The following TEX36 variants were observed in gnomAD, a reference collection of about 807,000 sequenced individuals.
TEX36 encodes the protein testis-expressed protein 36.
In TEX36, 12 loss-of-function variants were observed where a neutral mutation model predicts 13.6. That is an observed-to-expected ratio of 0.88 (90% CI 0.56 to 1.43). The LOEUF (loss-of-function observed/expected upper bound fraction) is 1.43, where lower values mean the gene tolerates loss of function less well. Ranked by LOEUF, TEX36 falls within the 40% of genes most tolerant of loss-of-function variation. TEX36 has a pLI of 0.00. For missense variants in TEX36, 224 were observed against 228.3 expected, an observed-to-expected ratio of 0.98 and a Z score of 0.12; for synonymous variants, 93 against 83.0, an observed-to-expected ratio of 1.12 and a Z score of -0.65.
intron 1 of TEX36, among the ~76,000 whole-genome samples, chr10:125,672,631 A>C (rs963978814): frequency 6.6e-6 from 1 of 152,206 alleles, no homozygotes; most frequent in African/African-American, 2.4e-5. Flanking sequence ...AGACTTCTGT[A>C]GGTATCTATC....
chr10:125,605,893 C>T (rs757545628), intron 3 of TEX36, among the ~76,000 whole-genome samples: 22 of 152,346 alleles, frequency 1.4e-4, no homozygotes, highest in Admixed American at 7.2e-4. Flanking sequence ...TGAGCCACCA[C>T]GCCCAGCCAG....
chr10:125,609,240 T>C (rs1846259774), intron 3 of TEX36, among the ~76,000 whole-genome samples: 1 of 151,688 alleles, frequency 6.6e-6, no homozygotes, highest in African/African-American at 2.4e-5. Context: ...ATTCTCTGTG[T>C]GGAGTTGTGT....
At chr10:125,655,682 A>T (rs1408910755), downstream of TEX36, 3 of 1,237,582 alleles carry the variant, frequency 2.4e-6, no homozygotes, top group Admixed American at 7.9e-5. Flanking sequence ...ACTTTTTAAA[A>T]CTCCCCAAAA....
At chr10:125,659,289 A>G (rs985387072) in intron 3 of TEX36, among the ~76,000 whole-genome samples, 2 of 152,176 alleles carry the variant, frequency 1.3e-5, no homozygotes, top group African/African-American at 4.8e-5. Flanking sequence ...GACTATCATA[A>G]CCTTGGCAAA....
intron 3 of TEX36, among the ~76,000 whole-genome samples, chr10:125,648,639 G>C (rs1846807890): frequency 6.6e-6 from 1 of 152,208 alleles, no homozygotes; most frequent in Admixed American, 6.5e-5. Context: ...ATGGAACAAA[G>C]CTGGATGGAG....
At chr10:125,646,508 C>T (rs1846770774) in intron 3 of TEX36, among the ~76,000 whole-genome samples, 1 of 151,994 alleles carries the variant, frequency 6.6e-6, no homozygotes, top group African/African-American at 2.4e-5. Flanking sequence ...TATGTTTTCA[C>T]CTTGAGAAGC....
At chr10:125,676,124 G>A (rs1233963333) in intron 1 of TEX36, among the ~76,000 whole-genome samples, 1 of 152,198 alleles carries the variant, frequency 6.6e-6, no homozygotes, top group Non-Finnish European at 1.5e-5. Context: ...AATGTCTGTT[G>A]GGTCCATTTG....
chr10:125,625,824 G>A (rs7918586), intron 3 of TEX36, among the ~76,000 whole-genome samples: 32,877 of 152,118 alleles, frequency 0.22, 5,558 homozygotes, highest in African/African-American at 0.46. Flanking sequence ...TGTATCTACC[G>A]GGCTATGTTT....
chr10:125,600,746 T>C (rs1846135627), intron 3 of TEX36, among the ~76,000 whole-genome samples: 1 of 152,180 alleles, frequency 6.6e-6, no homozygotes, highest in African/African-American at 2.4e-5. Context: ...CAAATCATTC[T>C]GTTTCTAAAT....
chr10:125,593,979 CAG>C (rs1260238845), intron 3 of TEX36, among the ~76,000 whole-genome samples: 1 of 152,162 alleles, frequency 6.6e-6, no homozygotes, highest in African/African-American at 2.4e-5. Flanking sequence ...GGAGGTGACA[CAG>C]GGGATGTTTT....
intron 3 of TEX36, 47 bp downstream of exon 3, chr10:125,660,974 C>T (rs951698656): frequency 2.7e-6 from 4 of 1,480,604 alleles, no homozygotes; most frequent in African/African-American, 2.8e-5. Flanking sequence ...ATCAAGATCC[C>T]TTGTGTTGTT....
At chr10:125,633,130 A>C (rs2133568779) in intron 3 of TEX36, among the ~76,000 whole-genome samples, 1 of 152,290 alleles carries the variant, frequency 6.6e-6, no homozygotes, top group South Asian at 2.1e-4. Flanking sequence ...TCTCAAAAAA[A>C]AAAAAATTAT....
chr10:125,631,482 A>G (rs1028106816), intron 3 of TEX36, among the ~76,000 whole-genome samples: 6 of 152,138 alleles, frequency 3.9e-5, no homozygotes, highest in Admixed American at 1.3e-4. Flanking sequence ...GCATTTTCTG[A>G]ATGTGTTCTC....
At chr10:125,649,344 C>G (rs1846818648) in intron 3 of TEX36, among the ~76,000 whole-genome samples, 2 of 152,152 alleles carry the variant, frequency 1.3e-5, no homozygotes, top group Admixed American at 1.3e-4. Flanking sequence ...GAGTGGGGGG[C>G]CAATATTCAA....
At chr10:125,682,617 A>C (rs1470319514) in intron 1 of TEX36, among the ~76,000 whole-genome samples, 3 of 152,248 alleles carry the variant, frequency 2.0e-5, no homozygotes, top group Non-Finnish European at 4.4e-5. Context: ...GAGAAAAATA[A>C]CATAGATAAG....
chr10:125,621,755 A>G, intron 3 of TEX36: 3 of 428,368 alleles, frequency 7.0e-6, no homozygotes, highest in South Asian at 5.0e-5. Context: ...AGAGCCCCCC[A>G]GAAGCCACTG....
downstream of TEX36, among the ~76,000 whole-genome samples, chr10:125,621,424 T>G (rs1196416109): frequency 2.6e-5 from 4 of 152,124 alleles, no homozygotes; most frequent in Non-Finnish European, 4.4e-5. Flanking sequence ...ATTTTGCTTT[T>G]GATGTGCATG....
chr10:125,667,664 TG>T, intron 1 of TEX36: 1 of 719,776 alleles, frequency 1.4e-6, no homozygotes, highest in Non-Finnish European at 2.6e-6. Context: ...CATGACAACT[TG>T]GGGGAAAGGA....
At chr10:125,613,825 T>G (rs1198962518) in intron 3 of TEX36, among the ~76,000 whole-genome samples, 1 of 152,168 alleles carries the variant, frequency 6.6e-6, no homozygotes, top group African/African-American at 2.4e-5. Flanking sequence ...CAAATGGTAT[T>G]TCTAGTTCTA....
Sources: gnomAD v4.1 joint callset for allele counts (sites outside exome capture counted in the v4.1 genomes callset) on GRCh38, gnomAD v4.1.1 for gene constraint, MANE v1.5 for transcripts, NCBI Gene and HGNC (gene_info 2026-07-23, HGNC 2026-07-21) for gene names.